The following ASAP1 variants were observed in gnomAD, a reference collection of about 807,000 sequenced individuals.
The protein encoded by ASAP1 is ArfGAP with SH3 domain, ankyrin repeat and PH domain 1.
A neutral mutation model predicts 145.2 loss-of-function variants in ASAP1; 43 were observed. That is an observed-to-expected ratio of 0.30 (90% CI 0.23 to 0.38). ASAP1 has a LOEUF of 0.38. ASAP1 is among the 10% of genes least tolerant of loss of function. ASAP1 has a pLI of 1.00. For synonymous variants in ASAP1, 546 were observed against 515.5 expected (o/e 1.06, Z -0.80); for missense variants, 1,018 against 1,355.3 (o/e 0.75, Z 3.91).
At chr8:130,420,248 ACAC>A (rs1411066413) in intron 1 of ASAP1, among the ~76,000 whole-genome samples, 1 of 137,220 alleles carries the variant, frequency 7.3e-6, no homozygotes, top group Non-Finnish European at 1.7e-5. Context: ...ACACACACAC[ACAC>A]ACACACACAC....
At chr8:130,374,247 G>A (rs1207000858) in intron 2 of ASAP1, among the ~76,000 whole-genome samples, 1 of 152,220 alleles carries the variant, frequency 6.6e-6, no homozygotes, top group Non-Finnish European at 1.5e-5. Context: ...ATATGTGAGA[G>A]TACAACATAT....
At chr8:130,105,766 G>GTT (rs1291537259) in intron 24 of ASAP1, among the ~76,000 whole-genome samples, 2 of 152,198 alleles carry the variant, frequency 1.3e-5, no homozygotes, top group Non-Finnish European at 2.9e-5. Context: ...GGACACTAGT[G>GTT]TAAGTCAGCA....
In ASAP1 at chr8:130,188,160, C is replaced by T; in HGVS notation, c.429G>A (p.Val143=). 6.2e-7 allele frequency: 1 copy of T among 1,613,848 alleles called. No homozygotes were observed. Among genetic ancestry groups the T allele is most frequent in the South Asian group, 1.1e-5 (1 of 91,070 alleles). The change falls in exon 6 of 30, where the codon GTG becomes GTA. Residue 143 remains valine (V), a synonymous_variant. Transcript: ENST00000518721. ...TTAACAAAGAATCCAAGGTGAAGAT[C>T]ACATTGTGGCTCAAACCCTGGAGCT... The part of the protein sequence containing the change: ...KNLLQGLSHN[V]IFTLDSLLKG...
chr8:130,141,470 A>G (rs1215226941), intron 13 of ASAP1, among the ~76,000 whole-genome samples: 1 of 152,072 alleles, frequency 6.6e-6, no homozygotes, highest in Non-Finnish European at 1.5e-5. Context: ...CCACCTCCCC[A>G]TGATGTTCCA....
intron 1 of ASAP1, among the ~76,000 whole-genome samples, chr8:130,431,505 A>G (rs973713033): frequency 1.3e-5 from 2 of 152,158 alleles, no homozygotes; most frequent in African/African-American, 4.8e-5. Context: ...GAGGCTCCCT[A>G]CACCTAGAAT....
intron 3 of ASAP1, among the ~76,000 whole-genome samples, chr8:130,333,631 A>C (rs184541617): frequency 1.4e-3 from 211 of 152,142 alleles, no homozygotes; most frequent in Non-Finnish European, 2.7e-3. Flanking sequence ...AAAACAAAAA[A>C]CAAACGGCAT....
chr8:130,238,699 G>A (rs1586659538), intron 3 of ASAP1, among the ~76,000 whole-genome samples: 1 of 151,986 alleles, frequency 6.6e-6, no homozygotes, highest in Non-Finnish European at 1.5e-5. Flanking sequence ...TCATTTTTCA[G>A]ATAAGGAAAT....
intron 5 of ASAP1, among the ~76,000 whole-genome samples, chr8:130,204,212 A>G (rs1816056384): frequency 6.6e-6 from 1 of 152,194 alleles, no homozygotes; most frequent in African/African-American, 2.4e-5. Context: ...CAAGGGATCT[A>G]GGTTGCACGC....
intron 27 of ASAP1, among the ~76,000 whole-genome samples, chr8:130,074,768 T>C (rs1564930534): frequency 1.3e-5 from 2 of 151,890 alleles, no homozygotes; most frequent in Non-Finnish European, 2.9e-5. Flanking sequence ...GGAGAGACAG[T>C]GTAGGGGAGT....
chr8:130,089,908 G>A (rs566122377), intron 25 of ASAP1, among the ~76,000 whole-genome samples: 31 of 152,096 alleles, frequency 2.0e-4, no homozygotes, highest in African/African-American at 7.0e-4. Context: ...GCCATGTGGC[G>A]AACTGTCACT....
intron 25 of ASAP1, among the ~76,000 whole-genome samples, chr8:130,087,354 T>C (rs371782956): frequency 1.3e-5 from 2 of 152,150 alleles, no homozygotes; most frequent in African/African-American, 2.4e-5. Context: ...ACCCCGTCTC[T>C]ATTAAAAATA....
intron 2 of ASAP1, among the ~76,000 whole-genome samples, chr8:130,382,602 T>C (rs1224844563): frequency 6.6e-6 from 1 of 152,210 alleles, no homozygotes; most frequent in Non-Finnish European, 1.5e-5. Context: ...ATCCCAGCAC[T>C]TTGGGAAACT....
intron 3 of ASAP1, among the ~76,000 whole-genome samples, chr8:130,317,233 T>A (rs1457540934): frequency 6.6e-6 from 1 of 152,140 alleles, no homozygotes; most frequent in Non-Finnish European, 1.5e-5. Context: ...CCTAAGCAAG[T>A]GAGGGTTCAT....
At chr8:130,189,666 A>C (rs1267783412) in intron 5 of ASAP1, among the ~76,000 whole-genome samples, 1 of 152,150 alleles carries the variant, frequency 6.6e-6, no homozygotes, top group African/African-American at 2.4e-5. Flanking sequence ...TTTTAGGTAT[A>C]TACCCAGCAC....
At chr8:130,322,726 A>G (rs781623631) in intron 3 of ASAP1, among the ~76,000 whole-genome samples, 1 of 152,232 alleles carries the variant, frequency 6.6e-6, no homozygotes, top group Non-Finnish European at 1.5e-5. Context: ...CATGTATAGA[A>G]CACAGTCCTT....
At chr8:130,213,501 C>T (rs1232234955) in intron 5 of ASAP1, among the ~76,000 whole-genome samples, 4 of 152,232 alleles carry the variant, frequency 2.6e-5, no homozygotes, top group Non-Finnish European at 5.9e-5. Context: ...TCACCTAAGG[C>T]CACAGAAGCC....
rs1477977295 is a variant in ASAP1, at chr8:130,220,206, G to A, written c.260-5505C>T. ...AGACCAGAAAAGGCCACTTCATCAC[G>A]ATTTCAACTGCCAGCATTTCTGTGG... On this transcript the variant is annotated intron_variant, in intron 4 of 29. Coordinates refer to ENST00000518721, the MANE Select transcript of ASAP1 (RefSeq NM_018482.4). 3.3e-5 allele frequency among the ~76,000 whole-genome samples: 5 copies of A among 152,256 alleles called. No homozygotes were observed. In the East Asian group the frequency reaches 5.8e-4, roughly 18 times the overall value.
chr8:130,192,922 A>G (rs1586562980), intron 5 of ASAP1, among the ~76,000 whole-genome samples: 1 of 152,246 alleles, frequency 6.6e-6, no homozygotes, highest in East Asian at 1.9e-4. Context: ...GTGCCTATCA[A>G]TAGGGCACTG....
intron 3 of ASAP1, among the ~76,000 whole-genome samples, chr8:130,256,739 T>TTTTATATA (rs1554860124): frequency 1.0e-5 from 1 of 95,904 alleles, no homozygotes; most frequent in Non-Finnish European, 2.0e-5. Flanking sequence ...ATACACATTC[T>TTTTATATA]TATATATATA....
Sources: gnomAD v4.1 joint callset for allele counts (sites outside exome capture counted in the v4.1 genomes callset) on GRCh38, gnomAD v4.1.1 for gene constraint, MANE v1.5 for transcripts, NCBI Gene and HGNC (gene_info 2026-07-23, HGNC 2026-07-21) for gene names.